Variants in MME observed in about 807,000 individuals in gnomAD.
MME encodes membrane metalloendopeptidase.
A neutral mutation model predicts 113.2 loss-of-function variants in MME; 98 were observed. That is an observed-to-expected ratio of 0.87 (90% CI 0.74 to 1.02). The LOEUF (loss-of-function observed/expected upper bound fraction) is 1.02. Ranked by LOEUF, MME falls within the 50% of genes least tolerant of loss-of-function variation. MME has a pLI of 0.00. For synonymous variants in MME, 292 were observed against 300.6 expected (o/e 0.97, Z 0.30); for missense variants, 836 against 896.0 (o/e 0.93, Z 0.86).
intron 10 of MME, 54 bp from the exon 11 acceptor site, chr3:155,141,937 A>G: frequency 2.5e-6 from 4 of 1,602,474 alleles, no homozygotes; most frequent in Non-Finnish European, 3.4e-6. Flanking sequence ...TGAATCTTGG[A>G]CCCAAGAAGA....
chr3:155,062,274 C>T (rs1411694567), intron 1 of MME, among the ~76,000 whole-genome samples: 2 of 152,038 alleles, frequency 1.3e-5, no homozygotes, highest in African/African-American at 2.4e-5. Flanking sequence ...CAAGAATACC[C>T]CTTAATATTT....
chr3:155,097,932 G>A (rs916350589), intron 3 of MME, among the ~76,000 whole-genome samples: 3 of 152,168 alleles, frequency 2.0e-5, no homozygotes, highest in Non-Finnish European at 2.9e-5. Flanking sequence ...GGTTTCTCCA[G>A]CATCACCGAT....
At position 155,182,545 on chromosome 3, in the gene MME, A is replaced by T. The variant is rs201655407; in HGVS notation, c.*2086A>T. The T allele has an allele frequency of 2.0e-5, 3 of 152,216 alleles. No individual in the cohort carries two copies. The highest frequency in any genetic ancestry group is 6.5e-5 in the Admixed American group (1 of 15,278). The allele number at this position is 152,216 out of a possible 1,614,324, so 9.4% of individuals were successfully genotyped here. A position where few individuals can be genotyped will look rare whatever the true frequency, so the allele number is the denominator to read the frequency against. ...GTATACTTATATTTCCCTAAAATACATTTAAAACTTACCTAAGTGACATTT... is the reference window on the plus strand; with the variant it reads ...GTATACTTATATTTCCCTAAAATACTTTTAAAACTTACCTAAGTGACATTT... On this transcript the variant is annotated 3_prime_UTR_variant, in exon 23 of 23. Transcript: ENST00000360490.
At chr3:155,030,076 A>G (rs1478223110) in intron 1 of MME, among the ~76,000 whole-genome samples, 1 of 152,204 alleles carries the variant, frequency 6.6e-6, no homozygotes, top group Non-Finnish European at 1.5e-5. Context: ...TTAGGTGAAC[A>G]TTTACATCCC....
chr3:155,127,336 T>G (rs1224590019), intron 8 of MME, among the ~76,000 whole-genome samples: 3 of 152,212 alleles, frequency 2.0e-5, no homozygotes, highest in African/African-American at 7.2e-5. Flanking sequence ...GGTGTTTTTC[T>G]TAGTCTATTT....
intron 1 of MME, among the ~76,000 whole-genome samples, chr3:155,066,360 T>C (rs1457350939): frequency 6.6e-6 from 1 of 152,162 alleles, no homozygotes; most frequent in African/African-American, 2.4e-5. Flanking sequence ...AAATAAGTAA[T>C]ATGAGTTGCT....
intron 3 of MME, among the ~76,000 whole-genome samples, chr3:155,107,504 T>C (rs1217384363): frequency 6.6e-6 from 1 of 152,204 alleles, no homozygotes; most frequent in Admixed American, 6.5e-5. Context: ...AGAGTAGTAA[T>C]TGAGAAAGAA....
Position 155,181,933 on chromosome 3 carries a change from C to A in MME, c.*1474C>A, listed in dbSNP as rs200281062. Reference sequence around the variant, plus strand: ...CATTTGCCTTTAAAAAAAAAAGTTACAGAAATACTATAACATATGTACATA... The same window carrying A: ...CATTTGCCTTTAAAAAAAAAAGTTAAAGAAATACTATAACATATGTACATA... On this transcript the variant is annotated 3_prime_UTR_variant, in exon 23 of 23. Coordinates refer to ENST00000360490, the MANE Select transcript of MME (RefSeq NM_007289.4). 6.6e-6 allele frequency: 1 copy of A among 151,928 alleles called. No homozygotes were observed. The highest frequency in any genetic ancestry group is 1.9e-4 in the East Asian group (1 of 5,186). 9.4% of individuals were successfully genotyped at this position (151,928 alleles called of 1,614,324 possible).
At chr3:155,111,132 G>A (rs993811806) in intron 3 of MME, among the ~76,000 whole-genome samples, 9 of 152,176 alleles carry the variant, frequency 5.9e-5, no homozygotes, top group Admixed American at 2.0e-4. Context: ...ACAGTTGTAC[G>A]TCTGTTTCCT....
intron 1 of MME, among the ~76,000 whole-genome samples, chr3:155,047,190 T>C (rs973710378): frequency 6.6e-6 from 1 of 152,222 alleles, no homozygotes; most frequent in East Asian, 1.9e-4. Flanking sequence ...TTATCCTTTA[T>C]ACCATATTTT....
chr3:155,085,306 T>G (rs1576700286), intron 3 of MME: 1 of 432,044 alleles, frequency 2.3e-6, no homozygotes, highest in East Asian at 3.7e-5. Flanking sequence ...TTTTCAGCCC[T>G]GGGCTGTATA....
rs766989448 is a variant in MME, at chr3:155,084,212, T to G, written c.45T>G (p.Thr15=). 1 of 1,614,100 alleles carries G rather than the reference T, an allele frequency of 6.2e-7. No homozygotes were observed. Among genetic ancestry groups the G allele is most frequent in the South Asian group, 1.1e-5 (1 of 91,074 alleles). ...AGATGGATATAACTGATATCAACAC[T>G]CCAAAGCCAAAGAAGAAACAGCGAT... ...ESQMDITDIN[T]PKPKKKQRWT... Residue 15 remains threonine, a synonymous_variant, in exon 2 of 23, where the codon ACT becomes ACG. Coordinates refer to ENST00000360490, the MANE Select transcript of MME (RefSeq NM_007289.4).
chr3:155,136,405 G>A (rs539335588), intron 8 of MME, among the ~76,000 whole-genome samples: 1 of 152,208 alleles, frequency 6.6e-6, no homozygotes, highest in Non-Finnish European at 1.5e-5. Flanking sequence ...ATAGCCCAAT[G>A]GTATTTGTTT....
chr3:155,085,211 G>T (rs1715573246), intron 3 of MME, 117 bp downstream of exon 3: 3 of 661,304 alleles, frequency 4.5e-6, no homozygotes, highest in Non-Finnish European at 8.0e-6. Flanking sequence ...AATTATTTAT[G>T]TGTCTGGCTC....
rs1230151043 is a variant in MME at position 155,042,915 on chromosome 3, T to TAC, written c.-11+18592_-11+18593insCA. On this transcript the variant is annotated intron_variant, in intron 1 of 22. Transcript: ENST00000492661. ...ATAGTAGGTTTTATATATATATATA[T>TAC]ATATATATATATATATATATATATG... Among the ~76,000 whole-genome samples, 9 of 45,384 alleles carry TAC rather than the reference T, an allele frequency of 2.0e-4. 1 individual carries two copies. The highest frequency in any genetic ancestry group is 1.4e-3 in the Admixed American group (5 of 3,560). 29.8% of individuals were successfully genotyped at this position (45,384 alleles called of 152,430 possible). A position where few individuals can be genotyped will look rare whatever the true frequency, so the allele number is the denominator to read the frequency against.
chr3:155,130,904 A>G (rs1043068931), intron 8 of MME, among the ~76,000 whole-genome samples: 6 of 152,210 alleles, frequency 3.9e-5, no homozygotes, highest in Non-Finnish European at 8.8e-5. Flanking sequence ...TATGTGACAG[A>G]TACTTTTCTA....
chr3:155,100,449 T>C (rs1298005623), intron 3 of MME, among the ~76,000 whole-genome samples: 1 of 152,186 alleles, frequency 6.6e-6, no homozygotes, highest in African/African-American at 2.4e-5. Flanking sequence ...TTTACACTGT[T>C]GGTGGGAGTG....
At position 155,142,289 on chromosome 3, in the gene MME, C is replaced by CA; in HGVS notation, c.1147_1148insA (p.Leu383HisfsTer55). On this transcript the variant is annotated frameshift_variant, in exon 12 of 23. Transcript: ENST00000360490. LOFTEE classifies it high-confidence loss of function. ...ATTCATAATGGATCTTGTAAGCAGC[C>CA]TCAGCCGAACCTACAAGGAGTCCAG... is the stretch of plus-strand genomic sequence containing the variant. 1 of 1,613,614 alleles carries CA rather than the reference C, an allele frequency of 6.2e-7. No individual in the cohort carries two copies. Among genetic ancestry groups the CA allele is most frequent in the Non-Finnish European group, 8.5e-7 (1 of 1,179,704 alleles).
chr3:155,113,073 A>G (rs1718317340), intron 3 of MME, among the ~76,000 whole-genome samples: 1 of 152,168 alleles, frequency 6.6e-6, no homozygotes, highest in Non-Finnish European at 1.5e-5. Flanking sequence ...AATGATGGGT[A>G]GAATTTGGAA....
Sources: gnomAD v4.1 joint callset for allele counts (sites outside exome capture counted in the v4.1 genomes callset) on GRCh38, gnomAD v4.1.1 for gene constraint, MANE v1.5 for transcripts, NCBI Gene and HGNC (gene_info 2026-07-23, HGNC 2026-07-21) for gene names.